SRSF4: variants seen among roughly 807,000 people sequenced by gnomAD.
SRSF4 encodes serine/arginine-rich splicing factor 4.
Under a neutral mutation model 48.8 loss-of-function variants are expected in SRSF4, and 12 were observed. The observed-to-expected ratio is 0.25, with a 90% CI of 0.16 to 0.40. SRSF4 has a LOEUF of 0.40. Ranked by LOEUF, SRSF4 falls within the 10% of genes least tolerant of loss-of-function variation. SRSF4 has a pLI of 1.00. For missense variants in SRSF4, 466 were observed against 667.1 expected (o/e 0.70, Z 3.32); for synonymous variants, 248 against 232.5 (o/e 1.07, Z -0.61).
intron 3 of SRSF4, 99 bp downstream of exon 3, chr1:29,159,275 A>G: frequency 1.4e-6 from 1 of 729,050 alleles, no homozygotes; most frequent in Non-Finnish European, 2.4e-6. Flanking sequence ...CAAACATATA[A>G]CACTGTATTT....
chr1:29,181,069 C>T (rs968357941), intron 1 of SRSF4, among the ~76,000 whole-genome samples: 1 of 152,154 alleles, frequency 6.6e-6, no homozygotes, highest in African/African-American at 2.4e-5. Flanking sequence ...GCTTTCAGCA[C>T]GGCAAGACGA....
chr1:29,176,116 G>A (rs1166617274), intron 1 of SRSF4, among the ~76,000 whole-genome samples: 3 of 152,096 alleles, frequency 2.0e-5, no homozygotes, highest in Non-Finnish European at 2.9e-5. Flanking sequence ...GCCGGGCGTG[G>A]TGGCACGCGC....
chr1:29,161,016 C>A (rs1672586889), intron 1 of SRSF4, among the ~76,000 whole-genome samples: 1 of 152,140 alleles, frequency 6.6e-6, no homozygotes, highest in Non-Finnish European at 1.5e-5. Flanking sequence ...GTAAACACAT[C>A]TGTCACATGT....
intron 3 of SRSF4, among the ~76,000 whole-genome samples, chr1:29,157,255 C>T (rs1672514843): frequency 1.3e-5 from 2 of 152,062 alleles, no homozygotes; most frequent in Non-Finnish European, 2.9e-5. Flanking sequence ...TTTATTGTCC[C>T]ATATTTTTAT....
At chr1:29,160,303 A>G in intron 2 of SRSF4, 72 bp downstream of exon 2, 1 of 1,478,604 alleles carries the variant, frequency 6.8e-7, no homozygotes, top group Non-Finnish European at 9.0e-7. Context: ...TGTAATATCA[A>G]TTAATTACTT....
chr1:29,179,478 T>C (rs1265223435), intron 1 of SRSF4, among the ~76,000 whole-genome samples: 1 of 152,114 alleles, frequency 6.6e-6, no homozygotes. Flanking sequence ...TCCTGCCTCA[T>C]CCTCTGAAGT....
chr1:29,165,206 C>A (rs1672654559), intron 1 of SRSF4, among the ~76,000 whole-genome samples: 1 of 152,178 alleles, frequency 6.6e-6, no homozygotes, highest in East Asian at 1.9e-4. Flanking sequence ...ATGAGTCTTA[C>A]CAAGTATAGA....
chr1:29,171,750 C>A (rs1672747570), intron 1 of SRSF4: 1 of 151,972 alleles, frequency 6.6e-6, no homozygotes, highest in Non-Finnish European at 1.5e-5. Flanking sequence ...TACTAGAAAC[C>A]CAAACCACAT....
intron 3 of SRSF4, 149 bp from the exon 4 acceptor site, chr1:29,155,059 G>T: frequency 1.4e-6 from 1 of 722,040 alleles, no homozygotes; most frequent in Non-Finnish European, 2.2e-6. Context: ...CATCAATCAT[G>T]TACTGAGGTT....
chr1:29,181,636 C>G lies in SRSF4; in HGVS notation c.107+10G>C. 3.8e-6 allele frequency: 6 copies of G among 1,579,324 alleles called. No homozygotes were observed. Among genetic ancestry groups the G allele is most frequent in the Non-Finnish European group, 5.2e-6 (6 of 1,163,906 alleles). On this transcript the variant is annotated intron_variant, in intron 1 of 5. Transcript: ENST00000373795. The stretch of plus-strand genomic sequence containing the variant: ...CCCCGCCCGGCCGGACCCTCTTTCG[C>G]CCTCCTCACCCGTTCTTCAGATCCA...
intron 1 of SRSF4, among the ~76,000 whole-genome samples, chr1:29,178,641 C>T (rs952868427): frequency 1.3e-5 from 2 of 152,138 alleles, no homozygotes; most frequent in African/African-American, 4.8e-5. Flanking sequence ...CAGGCCACCG[C>T]GCCCGGCCTC....
intron 1 of SRSF4, among the ~76,000 whole-genome samples, chr1:29,178,353 C>T (rs868672370): frequency 7.8e-6 from 1 of 127,888 alleles, no homozygotes; most frequent in Admixed American, 8.2e-5. Context: ...GTTTCAATTA[C>T]TTTTTTTTTT....
chr1:29,155,049 C>T, intron 3 of SRSF4, 139 bp from the exon 4 acceptor site: 1 of 778,676 alleles, frequency 1.3e-6, no homozygotes, highest in East Asian at 2.7e-5. Flanking sequence ...TTCATCTACC[C>T]ATCAATCATG....
In SRSF4 at chr1:29,179,949, T is replaced by C. The variant is rs143144135; in HGVS notation, c.107+1697A>G. Among the ~76,000 whole-genome samples the C allele has an allele frequency of 9.0e-4, 137 of 152,376 alleles. 1 individual carries two copies. Among genetic ancestry groups the C allele is most frequent in the Middle Eastern group, 3.4e-3 (1 of 294 alleles). On this transcript the variant is annotated intron_variant, in intron 1 of 5. Coordinates refer to ENST00000373795, the MANE Select transcript of SRSF4 (RefSeq NM_005626.5). ...AACAGTCTTGTCATTTCCTGCACAC[T>C]ATCACCTGAGTAACATTAGAAAAGA...
At position 29,154,910 on chromosome 1, in the gene SRSF4, C is replaced by A; in HGVS notation, c.364G>T (p.Asp122Tyr). 1.2e-6 allele frequency: 2 copies of A among 1,604,010 alleles called. No individual in the cohort carries two copies. Among genetic ancestry groups the A allele is most frequent in the Admixed American group, 1.7e-5 (1 of 57,350 alleles). Residue 122 changes from aspartate to tyrosine, a missense_variant and splice_region_variant, in exon 4 of 6, where the codon GAT (aspartate) becomes TAT (tyrosine). This residue lies in a region of SRSF4 where 64 missense variants were observed against 230.2 expected (regional missense o/e 0.28). Transcript: ENST00000373795. Reference protein sequence around the residue: ...SSRCSWQDLKDYMRQAGEVTY... With the variant: ...SSRCSWQDLKYYMRQAGEVTY... ...ACTTCTCCTGCCTGACGCATATAAT[C>A]CTGAAGAAAAAAAAAAGTGTGACTA... is the stretch of plus-strand genomic sequence containing the variant.
chr1:29,166,581 A>C (rs962891766), intron 1 of SRSF4: 1 of 152,252 alleles, frequency 6.6e-6, no homozygotes, highest in African/African-American at 2.4e-5. Flanking sequence ...TACAACCCAC[A>C]ACTAAAAGCT....
intron 2 of SRSF4, 26 bp from the exon 3 acceptor site, chr1:29,159,512 T>A (rs1447477245): frequency 6.4e-7 from 1 of 1,563,422 alleles, no homozygotes; most frequent in South Asian, 1.1e-5. Flanking sequence ...ATAAATAAGA[T>A]TATTTCAGTG....
Position 29,149,142 on chromosome 1 carries a change from G to C in SRSF4, c.753C>G (p.Ser251Arg). The change falls in exon 6 of 6, where the codon AGC (serine) becomes AGG (arginine). Residue 251 changes from serine to arginine, a missense_variant. Physicochemically the swap from Ser to Arg is moderately radical, Grantham distance 110. Coordinates refer to ENST00000373795, the MANE Select transcript of SRSF4 (RefSeq NM_005626.5). ...RSKKEKSRSP[S>R]KEKSRSRSHS... is the part of the protein sequence containing the mutation. ...GGCTGCGGCTGCGGCTCTTTTCCTT[G>C]CTGGGGCTCCTGCTTTTCTCTTTCT... 1 of 1,608,224 alleles carries C rather than the reference G, an allele frequency of 6.2e-7. No individual in the cohort carries two copies. The highest frequency in any genetic ancestry group is 8.5e-7 in the Non-Finnish European group (1 of 1,176,768).
At position 29,160,623 on chromosome 1, in the gene SRSF4, T is replaced by C. The variant is rs1672581399; in HGVS notation, c.108-106A>G. The C allele has an allele frequency of 6.0e-6, 8 of 1,323,410 alleles. No homozygotes were observed. In the East Asian group the frequency reaches 2.1e-4, roughly 35 times the overall value. 82.0% of individuals were successfully genotyped at this position (1,323,410 alleles called of 1,614,324 possible). On this transcript the variant is annotated intron_variant, in intron 1 of 5. Coordinates refer to ENST00000373795, the MANE Select transcript of SRSF4 (RefSeq NM_005626.5). The stretch of plus-strand genomic sequence containing the variant: ...TCATGCTTAGCAAAGGTTAGGTGGA[T>C]TTTGCAAACTAAGGATCAACTTTGT...
Sources: allele counts gnomAD v4.1 joint callset (sites outside exome capture counted in the v4.1 genomes callset), GRCh38; gene constraint gnomAD v4.1.1; regional missense constraint gnomAD v4.1.1; transcripts MANE v1.5; gene names NCBI Gene and HGNC (gene_info 2026-07-23, HGNC 2026-07-21).